The following TRAFD1 variants were observed in gnomAD, a reference collection of about 807,000 sequenced individuals.
TRAFD1 encodes TRAF-type zinc finger domain containing 1.
In TRAFD1, 38 loss-of-function variants were observed where a neutral mutation model predicts 65.3. The observed-to-expected ratio is 0.58, with a 90% confidence interval of 0.45 to 0.76. The LOEUF (loss-of-function observed/expected upper bound fraction) is 0.76, where lower values mean the gene tolerates loss of function less well. Ranked by LOEUF, TRAFD1 falls within the 30% of genes least tolerant of loss-of-function variation. The pLI is 0.00. For missense variants in TRAFD1, 631 were observed against 712.6 expected (o/e 0.89, Z 1.30); for synonymous variants, 223 against 257.2 (o/e 0.87, Z 1.27).
chr12:112,143,115 T>C (rs564836943), intron 6 of TRAFD1, among the ~76,000 whole-genome samples: 2 of 151,970 alleles, frequency 1.3e-5, no homozygotes, highest in South Asian at 4.2e-4. Flanking sequence ...AGTCTTCCTC[T>C]GTTGCCCAGG....
rs958311864 is a variant in TRAFD1 at position 112,146,102 on chromosome 12, T to C, written c.927+440T>C. 1.3e-4 allele frequency among the ~76,000 whole-genome samples: 20 copies of C among 148,694 alleles called. No homozygotes were observed. The Admixed American group carries it at 1.4e-3, about 10-fold the overall frequency. On this transcript the variant is annotated intron_variant, in intron 7 of 11. Transcript: ENST00000412615. Reference sequence around the variant, plus strand: ...AGTTAATGGGTGCAGCACACCAGCATGGCACATGTATACATATGTAACTAA... The same window carrying C: ...AGTTAATGGGTGCAGCACACCAGCACGGCACATGTATACATATGTAACTAA...
chr12:112,148,014 A>G, intron 7 of TRAFD1, 60 bp from the exon 8 acceptor site: 2 of 1,407,308 alleles, frequency 1.4e-6, no homozygotes, highest in Non-Finnish European at 2.0e-6. Context: ...ATATTTTAGG[A>G]ATGTAGTTTT....
chr12:112,149,824 C>T lies in TRAFD1; in HGVS notation c.1232C>T (p.Pro411Leu). 1 of 1,614,202 alleles carries T rather than the reference C, an allele frequency of 6.2e-7. No individual in the cohort carries two copies. The highest frequency in any genetic ancestry group is 8.5e-7 in the Non-Finnish European group (1 of 1,180,026). ...GGGATTCCTAGACTGGATTCCCAGC[C>T]TCAAGAGACCTCACCAGAGCTGCCC... is the stretch of plus-strand genomic sequence containing the variant. ...TEGIPRLDSQ[P>L]QETSPELPRR... Residue 411 changes from proline (P) to leucine (L), a missense_variant, in exon 9 of 12, where the codon CCT becomes CTT. Transcript: ENST00000412615.
chr12:112,135,825 GTT>G (rs753306363), intron 4 of TRAFD1, among the ~76,000 whole-genome samples: 60 of 131,466 alleles, frequency 4.6e-4, no homozygotes, highest in Non-Finnish European at 5.3e-4. Context: ...CTGGCCAAAG[GTT>G]TTTTTTTTTT....
chr12:112,147,637 T>C (rs1566051230), intron 7 of TRAFD1, among the ~76,000 whole-genome samples: 1 of 152,194 alleles, frequency 6.6e-6, no homozygotes, highest in African/African-American at 2.4e-5. Flanking sequence ...ATTCCTCTTT[T>C]TTGTTCCTCT....
At position 112,146,551 on chromosome 12, in the gene TRAFD1, A is replaced by C. The variant is rs535404433; in HGVS notation, c.927+889A>C. On this transcript the variant is annotated intron_variant, in intron 7 of 11. Transcript: ENST00000412615. The stretch of plus-strand genomic sequence containing the variant: ...ATTGAAGTCCTTGCATTTTTCTAGA[A>C]AGGTCAAGGGTGTTTTCTGCACATT... 3.9e-5 allele frequency among the ~76,000 whole-genome samples: 6 copies of C among 152,290 alleles called. 1 individual carries two copies. Among genetic ancestry groups the C allele is most frequent in the African/African-American group, 1.4e-4 (6 of 41,570 alleles).
Position 112,151,872 on chromosome 12 carries a change from C to A in TRAFD1, c.1351C>A (p.Pro451Thr), listed in dbSNP as rs1446327881. The A allele has an allele frequency of 6.2e-7, 1 of 1,614,208 alleles. No homozygotes were observed. Among genetic ancestry groups the A allele is most frequent in the East Asian group, 2.2e-5 (1 of 44,884 alleles). The part of the protein sequence containing the change: ...TANGPTSCLP[P>T]SRPINNMTAT... ...TAATGGGCCCACCTCCTGTCTGCCT[C>A]CCAGCCGACCCATTAACAATATGAC... The change falls in exon 10 of 12, where the codon CCC becomes ACC. Residue 451 changes from proline (P) to threonine (T), a missense_variant. Physicochemically the swap from Pro to Thr is conservative, Grantham distance 38 (BLOSUM62 -1). Transcript: ENST00000412615.
intron 7 of TRAFD1, among the ~76,000 whole-genome samples, chr12:112,146,376 G>C (rs75147101): frequency 0.017 from 2,514 of 151,964 alleles, 74 homozygotes; most frequent in African/African-American, 0.056. Context: ...AAAAAAAAGG[G>C]GGGGGCAGGG....
chr12:112,138,067 C>G (rs551760530), intron 4 of TRAFD1, among the ~76,000 whole-genome samples: 32 of 151,770 alleles, frequency 2.1e-4, no homozygotes, highest in Non-Finnish European at 4.7e-4. Context: ...ATCGTGAGAC[C>G]CCTATCTCTA....
chr12:112,146,199 A>G (rs1475359464), intron 7 of TRAFD1, among the ~76,000 whole-genome samples: 84 of 150,406 alleles, frequency 5.6e-4, no homozygotes, highest in South Asian at 2.1e-3. Context: ...AGAAGAAGAA[A>G]AAAAAAAACA....
At chr12:112,141,403 G>C (rs1386845334) in intron 5 of TRAFD1, 179 bp downstream of exon 5, 2 of 698,588 alleles carry the variant, frequency 2.9e-6, no homozygotes, top group Non-Finnish European at 4.6e-6. Context: ...TTATAGTTAG[G>C]GTTCATAATG....
intron 4 of TRAFD1, among the ~76,000 whole-genome samples, chr12:112,138,469 G>C (rs1210456667): frequency 6.6e-6 from 1 of 151,950 alleles, no homozygotes; most frequent in Non-Finnish European, 1.5e-5. Context: ...ATAATTGCTT[G>C]AACCTGTGAG....
At chr12:112,145,730 A>T in intron 7 of TRAFD1, 68 bp downstream of exon 7, 1 of 1,399,576 alleles carries the variant, frequency 7.1e-7, no homozygotes, top group Non-Finnish European at 1.0e-6. Context: ...GTTGCAGGCC[A>T]CATGAGGCCT....
chr12:112,149,695 C>T (rs2030347725), intron 8 of TRAFD1, 56 bp from the exon 9 acceptor site: 14 of 1,608,312 alleles, frequency 8.7e-6, no homozygotes, highest in Non-Finnish European at 1.2e-5. Context: ...CCATCGCATG[C>T]TCTTTTCTGG....
intron 1 of TRAFD1, among the ~76,000 whole-genome samples, chr12:112,129,787 C>T (rs2079558233): frequency 6.6e-6 from 1 of 151,910 alleles, no homozygotes; most frequent in Non-Finnish European, 1.5e-5. Flanking sequence ...GGATTACAGG[C>T]ATGCGCCACC....
intron 7 of TRAFD1, among the ~76,000 whole-genome samples, chr12:112,146,224 G>A: frequency 1.1e-5 from 1 of 90,328 alleles, no homozygotes. Flanking sequence ...TGAAATAACA[G>A]CAAAAAAAAA....
rs542420544 is a variant in TRAFD1 at position 112,142,118 on chromosome 12, A to G, written c.673A>G (p.Arg225Gly). ...FEEQERQERN[R>G]GQQPPKEGGE... is the part of the protein sequence containing the mutation. Reference sequence around the variant, plus strand: ...AGAACAAGAGAGGCAGGAAAGGAATAGAGGCCAACAGCCCCCCAAAGAGGG... The same window carrying G: ...AGAACAAGAGAGGCAGGAAAGGAATGGAGGCCAACAGCCCCCCAAAGAGGG... The change falls in exon 6 of 12, where the codon AGA becomes GGA. Residue 225 changes from arginine to glycine, a missense_variant. Arg to Gly is a moderately radical substitution (Grantham distance 125, BLOSUM62 -2). Coordinates refer to ENST00000412615, the MANE Select transcript of TRAFD1 (RefSeq NM_006700.3). 146 of 1,613,814 alleles carry G rather than the reference A, an allele frequency of 9.0e-5. 1 individual carries two copies. In the South Asian group the frequency reaches 1.4e-3, roughly 15 times the overall value.
Position 112,137,501 on chromosome 12 carries a change from G to T in TRAFD1, c.237+2435G>T, listed in dbSNP as rs1333692263. 2.6e-5 allele frequency among the ~76,000 whole-genome samples: 4 copies of T among 152,170 alleles called. No individual in the cohort carries two copies. The highest frequency in any genetic ancestry group is 6.5e-5 in the Admixed American group (1 of 15,278). The stretch of plus-strand genomic sequence containing the variant: ...TTCTTGGCTGGGCGCAGTGGCTCAC[G>T]CCTGTAATCCCAGCACTTTGGGAGG... On this transcript the variant is annotated intron_variant, in intron 4 of 11. Coordinates refer to ENST00000412615, the MANE Select transcript of TRAFD1 (RefSeq NM_006700.3). The surrounding 1 kb of genome is among the most constrained non-coding windows in gnomAD (Gnocchi z 4.2).
chr12:112,131,796 G>GA (rs1195588078), intron 2 of TRAFD1, among the ~76,000 whole-genome samples: 1 of 152,062 alleles, frequency 6.6e-6, no homozygotes, highest in Non-Finnish European at 1.5e-5. Flanking sequence ...AATTTTAAAA[G>GA]AAAAAAACCC....
Sources: allele counts gnomAD v4.1 joint callset (sites outside exome capture counted in the v4.1 genomes callset), GRCh38; gene constraint gnomAD v4.1.1; non-coding constraint Gnocchi (gnomAD v3.1); transcripts MANE v1.5; gene names NCBI Gene and HGNC (gene_info 2026-07-23, HGNC 2026-07-21).